The following PLCE1 variants were observed in gnomAD, a reference collection of about 807,000 sequenced individuals.
PLCE1 encodes the protein 1-phosphatidylinositol 4,5-bisphosphate phosphodiesterase epsilon-1.
A neutral mutation model predicts 242.8 loss-of-function variants in PLCE1; 119 were observed. The observed-to-expected ratio is 0.49, with a 90% CI of 0.42 to 0.57. PLCE1 has a LOEUF of 0.57. Ranked by LOEUF, PLCE1 falls within the 20% of genes least tolerant of loss-of-function variation. PLCE1 has a pLI of 0.00. For missense variants in PLCE1, 2,441 were observed against 2,788.8 expected, an observed-to-expected ratio of 0.88 and a Z score of 2.81; for synonymous variants, 945 against 1,017.4, an observed-to-expected ratio of 0.93 and a Z score of 1.35.
At position 94,298,714 on chromosome 10, in the gene PLCE1, T is replaced by C; in HGVS notation, c.5458+45T>C. On this transcript the variant is annotated intron_variant, in intron 24 of 32. Coordinates refer to ENST00000371380, the MANE Select transcript of PLCE1 (RefSeq NM_016341.4). This position sits in a 1 kb window ranked among gnomAD's most constrained non-coding sequence, Gnocchi z 5.2. ...ACCTCGCTCCTTTGCATCTTACATT[T>C]CAGTAAATGCAGTTTGACAGCATTT... 7 of 1,600,158 alleles carry C rather than the reference T, an allele frequency of 4.4e-6. No individual in the cohort carries two copies. The highest frequency in any genetic ancestry group is 6.0e-6 in the Non-Finnish European group (7 of 1,167,650).
Position 94,284,950 on chromosome 10 carries a change from G to C in PLCE1, c.5020G>C (p.Ala1674Pro), listed in dbSNP as rs1172343524. 4 of 1,595,198 alleles carry C rather than the reference G, an allele frequency of 2.5e-6. No homozygotes were observed. Among genetic ancestry groups the C allele is most frequent in the Non-Finnish European group, 3.4e-6 (4 of 1,162,968 alleles). ...ELSDLVIYCQ[A>P]VKFPGLSTLN... ...TTCTGACCTTGTAATCTATTGTCAA[G>C]CAGTAAAATTTCCAGGTAAGATTAG... The change falls in exon 22 of 33, where the codon GCA (alanine) becomes CCA (proline). Residue 1674 changes from alanine to proline, a missense_variant. By Grantham distance (27) the Ala-to-Pro change is conservative. Around this residue, in one of 5 missense-constraint regions of PLCE1, gnomAD observed 1,004 missense variants for 1,322.7 expected, o/e 0.76. Coordinates refer to ENST00000371380, the MANE Select transcript of PLCE1 (RefSeq NM_016341.4).
At chr10:94,033,902 TTCATCA>T (rs531576312) in intron 2 of PLCE1, among the ~76,000 whole-genome samples, 2 of 151,888 alleles carry the variant, frequency 1.3e-5, no homozygotes, top group South Asian at 2.1e-4. Flanking sequence ...TATTTTTACT[TTCATCA>T]TCATCATCAT....
intron 4 of PLCE1, among the ~76,000 whole-genome samples, chr10:94,188,091 A>G (rs1401420110): frequency 1.3e-5 from 2 of 152,046 alleles, no homozygotes; most frequent in Non-Finnish European, 2.9e-5. Context: ...ACCATAATTC[A>G]TGTTATAGTG....
intron 2 of PLCE1, among the ~76,000 whole-genome samples, chr10:94,059,985 A>G (rs1589937621): frequency 6.6e-6 from 1 of 152,204 alleles, no homozygotes; most frequent in African/African-American, 2.4e-5. Flanking sequence ...AATTATATCA[A>G]ATTATAGTGG....
chr10:94,022,635 C>CT (rs2061392409), intron 1 of PLCE1, among the ~76,000 whole-genome samples: 1 of 151,732 alleles, frequency 6.6e-6, no homozygotes, highest in Non-Finnish European at 1.5e-5. Flanking sequence ...CTGTATAGGC[C>CT]CCCCTTTTTT....
At chr10:94,285,565 C>T (rs2052412648) in intron 22 of PLCE1, among the ~76,000 whole-genome samples, 1 of 152,160 alleles carries the variant, frequency 6.6e-6, no homozygotes, top group African/African-American at 2.4e-5. Context: ...GCTTTCTCCC[C>T]TTTATTCCCT....
intron 1 of PLCE1, among the ~76,000 whole-genome samples, chr10:94,006,440 G>T (rs1409863767): frequency 2.6e-5 from 4 of 152,188 alleles, no homozygotes; most frequent in African/African-American, 7.2e-5. Context: ...CAACAGACAA[G>T]TTCAAATGAC....
intron 2 of PLCE1, among the ~76,000 whole-genome samples, chr10:94,106,409 T>C (rs555536823): frequency 3.9e-5 from 6 of 152,360 alleles, no homozygotes; most frequent in Non-Finnish European, 1.5e-5. Context: ...TACTCTTGTA[T>C]GGATACACAC....
chr10:94,255,355 A>C (rs1363478766), intron 11 of PLCE1, among the ~76,000 whole-genome samples: 1 of 152,102 alleles, frequency 6.6e-6, no homozygotes, highest in East Asian at 1.9e-4. Flanking sequence ...TAAATTAATT[A>C]AAATTAAAGA....
chr10:94,133,902 A>G (rs1010072750), intron 3 of PLCE1, among the ~76,000 whole-genome samples: 1 of 152,036 alleles, frequency 6.6e-6, no homozygotes, highest in Non-Finnish European at 1.5e-5. Context: ...CACAAGACTC[A>G]AGGTTTCTCC....
chr10:94,087,449 T>A (rs1589987017), intron 2 of PLCE1, among the ~76,000 whole-genome samples: 1 of 152,026 alleles, frequency 6.6e-6, no homozygotes, highest in East Asian at 1.9e-4. Flanking sequence ...AATTTTCTTT[T>A]TCTTTTGTAG....
At chr10:94,216,859 G>A (rs568910273) in intron 4 of PLCE1, among the ~76,000 whole-genome samples, 5 of 151,958 alleles carry the variant, frequency 3.3e-5, no homozygotes, top group South Asian at 2.1e-4. Flanking sequence ...GCTAAGCTCC[G>A]CACAGTGTTT....
rs10636243 is a variant in PLCE1 at position 94,179,530 on chromosome 10, T to TTTTTTTTTGA, written c.1809+8034_1809+8035insTTTTTTTTGA. ...TAGTTTAGTTTTTTTTTTTTTTTTTTGACAGGGTCTCTGTTGCCCAGGCTG... is the reference window on the plus strand; with the variant it reads ...TAGTTTAGTTTTTTTTTTTTTTTTTTTTTTTTTTGAGACAGGGTCTCTGTTGCCCAGGCTG... On this transcript the variant is annotated intron_variant, in intron 4 of 32. Coordinates refer to ENST00000371380, the MANE Select transcript of PLCE1 (RefSeq NM_016341.4). Among the ~76,000 whole-genome samples the TTTTTTTTTGA allele has an allele frequency of 5.7e-3, 678 of 118,754 alleles. 30 individuals carry two copies. Among genetic ancestry groups the TTTTTTTTTGA allele is most frequent in the African/African-American group, 0.016 (502 of 30,958 alleles). The allele number at this position is 118,754 out of a possible 152,430, so 77.9% of individuals were successfully genotyped here.
At chr10:94,078,273 G>A (rs1249315683) in intron 2 of PLCE1, among the ~76,000 whole-genome samples, 1 of 152,156 alleles carries the variant, frequency 6.6e-6, no homozygotes, top group Non-Finnish European at 1.5e-5. Flanking sequence ...ATAGTGATGT[G>A]CAGCATTTAG....
Position 94,234,300 on chromosome 10 carries a change from A to G in PLCE1, c.2202A>G (p.Glu734=). ...MKLCPRYNSQ[E]ETLEFVADYS... is the part of the protein sequence containing the mutation. ...TTTGCCCGCGGTACAATTCCCAAGA[A>G]GAAACTTTAGAGGTAAGGCCTTTCA... The change falls in exon 6 of 33, where the codon GAA becomes GAG. Residue 734 remains glutamate, a synonymous_variant. Transcript: ENST00000371380. 1.2e-6 allele frequency: 2 copies of G among 1,614,040 alleles called. No homozygotes were observed. The highest frequency in any genetic ancestry group is 1.1e-5 in the South Asian group (1 of 91,064).
At chr10:94,170,604 CT>C (rs2047941991) in intron 3 of PLCE1, among the ~76,000 whole-genome samples, 1 of 152,160 alleles carries the variant, frequency 6.6e-6, no homozygotes, top group African/African-American at 2.4e-5. Context: ...TGGTTCTGTT[CT>C]TGCAAACTCC....
At chr10:94,025,276 T>C (rs1333996105) in intron 1 of PLCE1, among the ~76,000 whole-genome samples, 1 of 152,136 alleles carries the variant, frequency 6.6e-6, no homozygotes, top group African/African-American at 2.4e-5. Flanking sequence ...TGGCCACATC[T>C]AGCTGTAAGG....
chr10:94,035,123 A>G (rs1351769110), intron 2 of PLCE1, among the ~76,000 whole-genome samples: 2 of 152,214 alleles, frequency 1.3e-5, no homozygotes, highest in Non-Finnish European at 2.9e-5. Context: ...TCTCCCTGCC[A>G]TGAAACTGCT....
At chr10:94,162,535 T>C (rs1276114342) in intron 3 of PLCE1, among the ~76,000 whole-genome samples, 1 of 152,194 alleles carries the variant, frequency 6.6e-6, no homozygotes, top group Non-Finnish European at 1.5e-5. Flanking sequence ...GTCTATTTGA[T>C]TCTTCTCTCT....
Sources: allele counts gnomAD v4.1 joint callset (sites outside exome capture counted in the v4.1 genomes callset), GRCh38; gene constraint gnomAD v4.1.1; regional missense constraint gnomAD v4.1.1; non-coding constraint Gnocchi (gnomAD v3.1); transcripts MANE v1.5; gene names NCBI Gene and HGNC (gene_info 2026-07-23, HGNC 2026-07-21).